UBE2H: variants seen among roughly 807,000 people sequenced by gnomAD.
The protein encoded by UBE2H is ubiquitin-conjugating enzyme E2 H.
In UBE2H, 3 loss-of-function variants were observed where a neutral mutation model predicts 29.0. The observed-to-expected ratio is 0.10, with a 90% confidence interval of 0.05 to 0.27. UBE2H has a LOEUF of 0.27. Among genes scored for constraint, UBE2H ranks in the 10% least tolerant of loss-of-function variants. The pLI is 1.00. For synonymous variants in UBE2H, 69 were observed against 82.9 expected, an observed-to-expected ratio of 0.83 and a Z score of 0.91; for missense variants, 68 against 228.2, an observed-to-expected ratio of 0.30 and a Z score of 4.52.
rs1807900494 is a variant in UBE2H, at chr7:129,952,497, G to A, written c.53+6C>T. Reference sequence around the variant, plus strand: ...CACAGCCCGAATTCCCCTCCACGAAGGATACAGCTTGACCACGTCCGTGTC... The same window carrying A: ...CACAGCCCGAATTCCCCTCCACGAAAGATACAGCTTGACCACGTCCGTGTC... On this transcript the variant is annotated splice_donor_region_variant and intron_variant, in intron 1 of 6. Transcript: ENST00000355621. 3 of 1,612,378 alleles carry A rather than the reference G, an allele frequency of 1.9e-6. No homozygotes were observed. Among genetic ancestry groups the A allele is most frequent in the East Asian group, 2.2e-5 (1 of 44,808 alleles).
intron 1 of UBE2H, among the ~76,000 whole-genome samples, chr7:129,946,690 G>A (rs1226721279): frequency 6.6e-6 from 1 of 152,066 alleles, no homozygotes; most frequent in African/African-American, 2.4e-5. Flanking sequence ...CTGTCCCCCG[G>A]GCTGGAGTGC....
intron 1 of UBE2H, among the ~76,000 whole-genome samples, chr7:129,920,578 A>G (rs1807137436): frequency 6.6e-6 from 1 of 152,166 alleles, no homozygotes; most frequent in South Asian, 2.1e-4. Context: ...CATACAAAAT[A>G]CTACATACAT....
At chr7:129,877,293 CAG>C (rs1393138295) in intron 3 of UBE2H, among the ~76,000 whole-genome samples, 1 of 152,158 alleles carries the variant, frequency 6.6e-6, no homozygotes, top group Non-Finnish European at 1.5e-5. Flanking sequence ...CCAGATACAA[CAG>C]GGGCAAGATT....
At position 129,931,836 on chromosome 7, in the gene UBE2H, C is replaced by CTT. The variant is rs372552075; in HGVS notation, c.53+20665_53+20666dup. 8.8e-3 allele frequency among the ~76,000 whole-genome samples: 1,154 copies of CTT among 131,266 alleles called. 15 individuals are homozygous for CTT. The highest frequency in any genetic ancestry group is 0.011 in the Non-Finnish European group (653 of 61,634). The allele number at this position is 131,266 out of a possible 152,430, so 86.1% of individuals were successfully genotyped here. On this transcript the variant is annotated intron_variant, in intron 1 of 6. Transcript: ENST00000355621. ...TATTAAAATCCACTGTTCTACTTTG[C>CTT]TTTTTTTTTTTTTTTTTGAGACGGA...
At chr7:129,951,853 T>A (rs985582374) in intron 1 of UBE2H, among the ~76,000 whole-genome samples, 7 of 152,112 alleles carry the variant, frequency 4.6e-5, no homozygotes, top group African/African-American at 1.7e-4. Context: ...CATACAACTA[T>A]GGGTGGGACA....
At chr7:129,846,398 T>G (rs979227283) in intron 5 of UBE2H, among the ~76,000 whole-genome samples, 1 of 150,368 alleles carries the variant, frequency 6.7e-6, no homozygotes, top group Non-Finnish European at 1.5e-5. Context: ...TTGGGCATGG[T>G]GGCATGTGCC....
intron 3 of UBE2H, among the ~76,000 whole-genome samples, chr7:129,879,256 A>T (rs1437164786): frequency 1.3e-5 from 2 of 152,250 alleles, no homozygotes; most frequent in Non-Finnish European, 2.9e-5. Flanking sequence ...TCAAAATTAG[A>T]CTTAAGATAT....
intron 3 of UBE2H, among the ~76,000 whole-genome samples, chr7:129,866,128 T>C (rs892584036): frequency 3.9e-5 from 6 of 152,194 alleles, no homozygotes; most frequent in Non-Finnish European, 4.4e-5. Flanking sequence ...GACCTGGGCC[T>C]GTCTCTTCTT....
At chr7:129,947,330 T>C (rs1807785572) in intron 1 of UBE2H, among the ~76,000 whole-genome samples, 1 of 152,210 alleles carries the variant, frequency 6.6e-6, no homozygotes. Flanking sequence ...AACTTTTAGC[T>C]TGAAGACCAT....
At chr7:129,934,904 T>C (rs1188907983) in intron 1 of UBE2H, among the ~76,000 whole-genome samples, 1 of 144,316 alleles carries the variant, frequency 6.9e-6, no homozygotes, top group Non-Finnish European at 1.5e-5. Context: ...ACAAAAAGTA[T>C]ATATATGTGT....
chr7:129,854,929 C>A (rs1406416984), intron 5 of UBE2H, among the ~76,000 whole-genome samples: 50 of 150,086 alleles, frequency 3.3e-4, no homozygotes, highest in African/African-American at 1.1e-3. Flanking sequence ...AAAAAAAAAA[C>A]AGTCACAAAA....
rs377074157 is a variant in UBE2H at position 129,933,975 on chromosome 7, C to T, written c.53+18528G>A. ...AAAAGTGGGCCATAACATCTCAAAGCAAAAATGCTGCAAGGATAAACGTGA... is the reference window on the plus strand; with the variant it reads ...AAAAGTGGGCCATAACATCTCAAAGTAAAAATGCTGCAAGGATAAACGTGA... On this transcript the variant is annotated intron_variant, in intron 1 of 6. Coordinates refer to ENST00000355621, the MANE Select transcript of UBE2H (RefSeq NM_003344.4). 7.2e-5 allele frequency among the ~76,000 whole-genome samples: 11 copies of T among 152,192 alleles called. No homozygotes were observed. The South Asian group carries it at 2.3e-3, about 32-fold the overall frequency.
chr7:129,841,128 AC>A (rs1384157299), intron 5 of UBE2H, among the ~76,000 whole-genome samples: 1 of 152,192 alleles, frequency 6.6e-6, no homozygotes. Context: ...CGGTAGGCAA[AC>A]CTTTTTGTAA....
chr7:129,870,710 T>A (rs1485288510), intron 3 of UBE2H, among the ~76,000 whole-genome samples: 1 of 146,284 alleles, frequency 6.8e-6, no homozygotes, highest in Admixed American at 6.9e-5. Context: ...CCCACAGCAG[T>A]AGAATGATCA....
chr7:129,942,860 G>A (rs78554564), intron 1 of UBE2H, among the ~76,000 whole-genome samples: 396 of 147,492 alleles, frequency 2.7e-3, no homozygotes, highest in Non-Finnish European at 4.8e-3. Context: ...TTTGTTTTTT[G>A]AGATGGAGTC....
chr7:129,921,694 C>CAAAAA (rs1047164274), intron 1 of UBE2H, among the ~76,000 whole-genome samples: 3 of 68,472 alleles, frequency 4.4e-5, no homozygotes, highest in African/African-American at 1.0e-4. Flanking sequence ...GACTCTGTCA[C>CAAAAA]AAAAAAAAAA....
rs1333215442 is a variant in UBE2H, at chr7:129,834,580, TA to T, written c.*356del. ...TTTGGTTTGTTTCTTTGGAAACCAA[TA>T]AAAGAAGCAATTTTTTCCTGTTCTT... On this transcript the variant is annotated 3_prime_UTR_variant, in exon 7 of 7. Coordinates refer to ENST00000355621, the MANE Select transcript of UBE2H (RefSeq NM_003344.4). 6.3e-6 allele frequency: 1 copy of T among 159,574 alleles called. No individual in the cohort carries two copies. The highest frequency in any genetic ancestry group is 2.4e-5 in the African/African-American group (1 of 41,614). 9.9% of individuals were successfully genotyped at this position (159,574 alleles called of 1,614,324 possible).
chr7:129,835,172 G>C, intron 6 of UBE2H, 111 bp from the exon 7 acceptor site: 1 of 1,450,742 alleles, frequency 6.9e-7, no homozygotes. Flanking sequence ...TTGAACACCA[G>C]GGGGGACAAA....
chr7:129,876,725 A>G (rs1394112155), intron 3 of UBE2H, among the ~76,000 whole-genome samples: 2 of 152,204 alleles, frequency 1.3e-5, no homozygotes, highest in African/African-American at 2.4e-5. Context: ...CAAAAAAAAG[A>G]GCTCAAAGTG....
Sources: allele counts gnomAD v4.1 joint callset (sites outside exome capture counted in the v4.1 genomes callset), GRCh38; gene constraint gnomAD v4.1.1; transcripts MANE v1.5; gene names NCBI Gene and HGNC (gene_info 2026-07-23, HGNC 2026-07-21).